GPATCH8: variants seen among roughly 807,000 people sequenced by gnomAD.
The protein encoded by GPATCH8 is G patch domain-containing protein 8.
In GPATCH8, 18 loss-of-function variants were observed where a neutral mutation model predicts 118.3. The observed-to-expected ratio is 0.15, with a 90% CI of 0.11 to 0.23. GPATCH8 has a LOEUF of 0.23. Ranked by LOEUF, GPATCH8 falls within the 10% of genes least tolerant of loss-of-function variation. The probability of loss-of-function intolerance (pLI) is 1.00; values close to 1 mark genes in which losing one functional copy is unlikely to be tolerated. For synonymous variants in GPATCH8, 659 were observed against 684.7 expected, an observed-to-expected ratio of 0.96 and a Z score of 0.59; for missense variants, 1,631 against 1,873.8, an observed-to-expected ratio of 0.87 and a Z score of 2.39.
intron 2 of GPATCH8, among the ~76,000 whole-genome samples, chr17:44,471,122 A>G (rs920067984): frequency 6.6e-6 from 1 of 152,226 alleles, no homozygotes; most frequent in Admixed American, 6.5e-5. Context: ...TCTTAAAAAG[A>G]TATTTCATTC....
intron 7 of GPATCH8, among the ~76,000 whole-genome samples, chr17:44,402,519 C>G (rs2049065860): frequency 6.6e-6 from 1 of 151,822 alleles, no homozygotes. Context: ...CAGGGTGGCT[C>G]ACATGTGTAA....
rs943363593 is a variant in GPATCH8 at position 44,398,074 on chromosome 17, G to A, written c.4003C>T (p.Leu1335Phe). ...QAAQQHIQQQ[L>F]LAKQVKAFPA... ...AAGGCCTTTACTTGCTTGGCCAGAA[G>A]CTGCTGCTGGATGTGTTGCTGAGCA... The change falls in exon 8 of 8, where the codon CTT becomes TTT. Residue 1335 changes from leucine (L) to phenylalanine (F), a missense_variant. Coordinates refer to ENST00000591680, the MANE Select transcript of GPATCH8 (RefSeq NM_001002909.4). 8 of 1,613,960 alleles carry A rather than the reference G, an allele frequency of 5.0e-6. No individual in the cohort carries two copies. In the African/African-American group the frequency reaches 1.1e-4, roughly 22 times the overall value.
At position 44,399,598 on chromosome 17, in the gene GPATCH8, G is replaced by A. The variant is rs759275506; in HGVS notation, c.2479C>T (p.Arg827Trp). 5.6e-6 allele frequency: 9 copies of A among 1,614,034 alleles called. No individual in the cohort carries two copies. The highest frequency in any genetic ancestry group is 1.1e-5 in the South Asian group (1 of 91,082). Residue 827 changes from arginine (R) to tryptophan (W), a missense_variant, in exon 8 of 8, where the codon CGG becomes TGG. By Grantham distance (101) the Arg-to-Trp change is moderately radical (BLOSUM62 -3). Around this residue, in one of 8 missense-constraint regions of GPATCH8, gnomAD observed 922 missense variants for 879.7 expected, o/e 1.05. Coordinates refer to ENST00000591680, the MANE Select transcript of GPATCH8 (RefSeq NM_001002909.4). ...TGGGATGGAGACTTCTGGTGCAGCC[G>A]GTGTGAGGAAGCATCATCACTATCC... ...DEDSDDASSH[R>W]LHQKSPSQYS...
At chr17:44,453,370 G>A (rs761288350) in intron 3 of GPATCH8, among the ~76,000 whole-genome samples, 12 of 152,122 alleles carry the variant, frequency 7.9e-5, no homozygotes, top group Non-Finnish European at 1.8e-4. Context: ...TGGGACAACA[G>A]TAATTCTCTC....
At chr17:44,455,512 A>AT (rs2051296839) in intron 3 of GPATCH8, among the ~76,000 whole-genome samples, 1 of 151,910 alleles carries the variant, frequency 6.6e-6, no homozygotes, top group Non-Finnish European at 1.5e-5. Context: ...AAAAAAAAAA[A>AT]TTAAAAAAAA....
chr17:44,434,285 G>C (rs2050421063), intron 5 of GPATCH8, among the ~76,000 whole-genome samples: 2 of 151,922 alleles, frequency 1.3e-5, no homozygotes, highest in Admixed American at 1.3e-4. Context: ...TGAATAAAGA[G>C]AGAGGAAAGG....
In GPATCH8 at chr17:44,397,940, G is replaced by T; in HGVS notation, c.4137C>A (p.Ile1379=). 1 of 1,613,384 alleles carries T rather than the reference G, an allele frequency of 6.2e-7. No homozygotes were observed. The highest frequency in any genetic ancestry group is 8.5e-7 in the Non-Finnish European group (1 of 1,179,316). ...CAGCTGCGGCAGCATGATGTTGTAG[G>T]ATGGCATGCTGAACAGTTGTGATGG... ...ATSITTVQHA[I]LQHHAAAAAA... Residue 1379 remains isoleucine, a synonymous_variant, in exon 8 of 8, where the codon ATC becomes ATA. Transcript: ENST00000591680.
intron 6 of GPATCH8, among the ~76,000 whole-genome samples, chr17:44,408,657 G>A (rs923813919): frequency 6.6e-6 from 1 of 152,172 alleles, no homozygotes; most frequent in Non-Finnish European, 1.5e-5. Context: ...TCCCCAGGGT[G>A]AGTCAAGATT....
chr17:44,395,428 G>C lies in GPATCH8; in HGVS notation c.*2140C>G. 1 of 454,236 alleles carries C rather than the reference G, an allele frequency of 2.2e-6. No homozygotes were observed. The highest frequency in any genetic ancestry group is 2.4e-5 in the Admixed American group (1 of 42,530). The allele number at this position is 454,236 out of a possible 1,614,324, so 28.1% of individuals were successfully genotyped here. On this transcript the variant is annotated 3_prime_UTR_variant, in exon 8 of 8. Coordinates refer to ENST00000591680, the MANE Select transcript of GPATCH8 (RefSeq NM_001002909.4). ...TTTTACTTTTAAAATCACTATTCTG[G>C]AAGTTAAAGAAAATGCCCCTAGGAA...
intron 7 of GPATCH8, among the ~76,000 whole-genome samples, chr17:44,402,074 C>T (rs2049046287): frequency 1.3e-5 from 2 of 150,864 alleles, no homozygotes; most frequent in Non-Finnish European, 3.0e-5. Flanking sequence ...GTAATCCCAG[C>T]ACTTTGGGAG....
At chr17:44,486,827 A>G (rs1443910612) in intron 1 of GPATCH8, 1 of 152,224 alleles carries the variant, frequency 6.6e-6, no homozygotes, top group African/African-American at 2.4e-5. Flanking sequence ...AGTGCTTTAG[A>G]AATACTGAAT....
At chr17:44,428,099 T>C (rs1027526759) in intron 5 of GPATCH8, among the ~76,000 whole-genome samples, 23 of 151,724 alleles carry the variant, frequency 1.5e-4, no homozygotes, top group Non-Finnish European at 1.5e-4. Flanking sequence ...CTGGGCAACA[T>C]AGCAAAACCC....
At chr17:44,452,042 G>A (rs1030665911) in intron 3 of GPATCH8, among the ~76,000 whole-genome samples, 8 of 151,932 alleles carry the variant, frequency 5.3e-5, no homozygotes, top group African/African-American at 9.7e-5. Context: ...AGGCCGATTC[G>A]GGCGGATTGC....
At chr17:44,492,443 G>A (rs1424416613) in intron 1 of GPATCH8, among the ~76,000 whole-genome samples, 1 of 151,160 alleles carries the variant, frequency 6.6e-6, no homozygotes, top group East Asian at 1.9e-4. Flanking sequence ...GTGGTGGTGG[G>A]CTCCTGTAGT....
chr17:44,452,696 G>C (rs1257770566), intron 3 of GPATCH8, among the ~76,000 whole-genome samples: 9 of 152,098 alleles, frequency 5.9e-5, no homozygotes, highest in African/African-American at 1.7e-4. Flanking sequence ...GCCTGGCTGG[G>C]ATAATGAAAA....
intron 1 of GPATCH8, among the ~76,000 whole-genome samples, chr17:44,492,127 C>T (rs1969291204): frequency 6.6e-6 from 1 of 151,604 alleles, no homozygotes; most frequent in Non-Finnish European, 1.5e-5. Flanking sequence ...TGGTGAAACC[C>T]CATCTCTACT....
rs1314856332 is a variant in GPATCH8, at chr17:44,396,236, C to T, written c.*1332G>A. ...AGGTACCCAGGGAAACCCAGGAATC[C>T]CCCCAGACAATCACCAAATCTCACT... On this transcript the variant is annotated 3_prime_UTR_variant, in exon 8 of 8. Coordinates refer to ENST00000591680, the MANE Select transcript of GPATCH8 (RefSeq NM_001002909.4). 2.2e-6 allele frequency: 1 copy of T among 454,330 alleles called. No homozygotes were observed. The highest frequency in any genetic ancestry group is 2.4e-5 in the Admixed American group (1 of 42,540). 28.1% of individuals were successfully genotyped at this position (454,330 alleles called of 1,614,324 possible). A position where few individuals can be genotyped will look rare whatever the true frequency, so the allele number is the denominator to read the frequency against.
At chr17:44,420,693 A>G (rs2049865386) in intron 6 of GPATCH8, among the ~76,000 whole-genome samples, 1 of 152,236 alleles carries the variant, frequency 6.6e-6, no homozygotes, top group Admixed American at 6.5e-5. Context: ...AAGATGTAAC[A>G]ATTTCTACTA....
At chr17:44,418,833 G>A (rs1224225503) in intron 6 of GPATCH8, among the ~76,000 whole-genome samples, 1 of 152,190 alleles carries the variant, frequency 6.6e-6, no homozygotes, top group Non-Finnish European at 1.5e-5. Context: ...GATTTCTTCA[G>A]AAATGGAAAG....
Sources: gnomAD v4.1 joint callset for allele counts (sites outside exome capture counted in the v4.1 genomes callset) on GRCh38, gnomAD v4.1.1 for gene constraint, gnomAD v4.1.1 regional missense constraint, MANE v1.5 for transcripts, NCBI Gene and HGNC (gene_info 2026-07-23, HGNC 2026-07-21) for gene names.